Variants in LMF1 observed in about 807,000 individuals in gnomAD.
LMF1 encodes lipase maturation factor 1.
Under a neutral mutation model 60.6 loss-of-function variants are expected in LMF1, and 68 were observed. The ratio of observed to expected loss-of-function variants is 1.12; its 90% CI spans 0.92 to 1.37. The LOEUF is 1.37. LMF1 is among the 40% of genes most tolerant of loss of function. LMF1 has a pLI of 0.00. For missense variants in LMF1, 948 were observed against 767.2 expected, an observed-to-expected ratio of 1.24 and a Z score of -2.78; for synonymous variants, 418 against 324.7, an observed-to-expected ratio of 1.29 and a Z score of -3.09.
chr16:922,510 C>T (rs574082857), intron 3 of LMF1, among the ~76,000 whole-genome samples: 10 of 152,336 alleles, frequency 6.6e-5, no homozygotes, highest in South Asian at 2.1e-4. Context: ...CTAACATGGA[C>T]GTGAAGAAAG....
chr16:874,102 G>A lies in LMF1; in HGVS notation c.898-2761C>T, dbSNP rs544787167. 6.6e-5 allele frequency among the ~76,000 whole-genome samples: 10 copies of A among 152,330 alleles called. No individual in the cohort carries two copies. Among genetic ancestry groups the A allele is most frequent in the Admixed American group, 1.3e-4 (2 of 15,304 alleles). The stretch of plus-strand genomic sequence containing the variant: ...GGTATGGGAAGTTCTGGAACCAGGC[G>A]GAGGCGGCGGTTGCATCACGCTGTG... On this transcript the variant is annotated intron_variant, in intron 6 of 10. Coordinates refer to ENST00000262301, the MANE Select transcript of LMF1 (RefSeq NM_022773.4). The surrounding 1 kb of genome is among the most constrained non-coding windows in gnomAD (Gnocchi z 4.1).
chr16:854,326 G>A lies in LMF1; in HGVS notation c.*206C>T, dbSNP rs964100435. 5 of 701,974 alleles carry A rather than the reference G, an allele frequency of 7.1e-6. No homozygotes were observed. The highest frequency in any genetic ancestry group is 5.2e-5 in the African/African-American group (3 of 57,156). The allele number at this position is 701,974 out of a possible 1,614,324, so 43.5% of individuals were successfully genotyped here. A position where few individuals can be genotyped will look rare whatever the true frequency, so the allele number is the denominator to read the frequency against. ...GCCTGGGACAAGGGTTGGCCTGGAT[G>A]TGGGGCCCCAGGTGGGCAGGGCCTG... On this transcript the variant is annotated 3_prime_UTR_variant, in exon 11 of 11. Transcript: ENST00000262301.
chr16:951,783 G>A (rs2072476806), intron 2 of LMF1, among the ~76,000 whole-genome samples: 1 of 152,204 alleles, frequency 6.6e-6, no homozygotes, highest in African/African-American at 2.4e-5. Flanking sequence ...GCAGAGCGAC[G>A]TCCTCACCAA....
chr16:918,861 C>T (rs1202140350), intron 3 of LMF1, among the ~76,000 whole-genome samples: 5 of 148,548 alleles, frequency 3.4e-5, no homozygotes, highest in Admixed American at 2.7e-4. Context: ...CCGACTCTCA[C>T]GTGGGGCCAG....
intron 2 of LMF1, among the ~76,000 whole-genome samples, chr16:938,600 C>T (rs1193160706): frequency 6.6e-6 from 1 of 152,202 alleles, no homozygotes; most frequent in African/African-American, 2.4e-5. Context: ...ACATCTGTCG[C>T]CTGTTGCCTC....
rs538528682 is a variant in LMF1, at chr16:856,734, G to A, written c.1530-2028C>T. 2.1e-4 allele frequency among the ~76,000 whole-genome samples: 32 copies of A among 152,378 alleles called. No individual in the cohort carries two copies. The Middle Eastern group carries it at 0.01, about 49-fold the overall frequency. ...GGGCCCCAGGCCCCAGCGGCCTGAA[G>A]GGTTGCATTTCATTCCTGCAGACAA... is the stretch of plus-strand genomic sequence containing the variant. On this transcript the variant is annotated intron_variant, in intron 10 of 10. Transcript: ENST00000262301.
intron 1 of LMF1, among the ~76,000 whole-genome samples, chr16:978,252 C>CACACACCATACGCACTATAT (rs2073232183): frequency 6.7e-6 from 1 of 149,820 alleles, no homozygotes; most frequent in Admixed American, 6.7e-5. Flanking sequence ...ACGCACTATA[C>CACACACCATACGCACTATAT]ACGCACCATA....
chr16:937,037 G>A (rs1039158685), intron 2 of LMF1, among the ~76,000 whole-genome samples: 3 of 152,196 alleles, frequency 2.0e-5, no homozygotes, highest in African/African-American at 7.2e-5. Flanking sequence ...GTGACTCAGG[G>A]CCACCAAAAT....
chr16:896,924 A>AT (rs919999165), intron 4 of LMF1, among the ~76,000 whole-genome samples: 26 of 151,164 alleles, frequency 1.7e-4, no homozygotes, highest in African/African-American at 3.7e-4. Flanking sequence ...TTTTCCACGG[A>AT]TTTTTTTTTC....
intron 3 of LMF1, among the ~76,000 whole-genome samples, chr16:917,742 G>C (rs990235221): frequency 1.3e-5 from 2 of 152,196 alleles, no homozygotes; most frequent in African/African-American, 4.8e-5. Context: ...GGTGTCCCAG[G>C]GGACAGGAGT....
Position 978,353 on chromosome 16 carries a change from C to CCACACA in LMF1, c.-135+2786_-135+2791dup, listed in dbSNP as rs71142796. 2.8e-4 allele frequency among the ~76,000 whole-genome samples: 43 copies of CCACACA among 151,348 alleles called. No homozygotes were observed. In the South Asian group the frequency reaches 5.9e-3, roughly 21 times the overall value. The stretch of plus-strand genomic sequence containing the variant: ...ACATTACATACCATACAAACACACA[C>CCACACA]CACACACACACATGAACACACGCGC... On this transcript the variant is annotated intron_variant, in intron 1 of 6. Transcript: ENST00000570014.
chr16:940,085 G>A (rs917597693), intron 2 of LMF1, among the ~76,000 whole-genome samples: 30 of 152,220 alleles, frequency 2.0e-4, no homozygotes, highest in Middle Eastern at 3.4e-3. Context: ...CGAGTGATAC[G>A]TCCACAAGCC....
chr16:980,190 G>A lies in LMF1; in HGVS notation c.-135+955C>T, dbSNP rs527599333. The A allele has an allele frequency of 8.2e-5, 16 of 195,204 alleles. No individual in the cohort carries two copies. In the East Asian group the frequency reaches 1.3e-3, roughly 16 times the overall value. The allele number at this position is 195,204 out of a possible 1,614,324, so 12.1% of individuals were successfully genotyped here. ...ACGGCCCTTGCTCTTCAGCCTGGAG[G>A]CCAATGCTTCCTCCAAAGGCCCTGG... On this transcript the variant is annotated intron_variant, in intron 1 of 6. Coordinates refer to the LMF1 transcript ENST00000570014.
chr16:981,331 AGAGAGAGAGAGAGAGAGTGT>A (rs1180407522), upstream of LMF1: 366 of 331,692 alleles, frequency 1.1e-3, 1 homozygote, highest in African/African-American at 7.3e-3. Flanking sequence ...AGAGAGAGAG[AGAGAGAGAGAGAGAGAGTGT>A]GTGTGTGTGT....
chr16:862,473 G>A (rs752666585), intron 10 of LMF1, among the ~76,000 whole-genome samples: 1 of 152,056 alleles, frequency 6.6e-6, no homozygotes, highest in African/African-American at 2.4e-5. Flanking sequence ...AAAAAATTTT[G>A]TGTCTATATC....
At chr16:926,063 T>A (rs1183912223) in intron 3 of LMF1, among the ~76,000 whole-genome samples, 1 of 152,050 alleles carries the variant, frequency 6.6e-6, no homozygotes, top group African/African-American at 2.4e-5. Context: ...CACGTTTGCA[T>A]ATAATCTGCA....
At chr16:958,956 G>C (rs912980356) in intron 1 of LMF1, among the ~76,000 whole-genome samples, 2 of 152,130 alleles carry the variant, frequency 1.3e-5, no homozygotes, top group African/African-American at 4.8e-5. Flanking sequence ...AGAAGGTTCG[G>C]GACAGCAGGA....
At chr16:968,046 C>T (rs1011638378) in intron 1 of LMF1, among the ~76,000 whole-genome samples, 1 of 152,224 alleles carries the variant, frequency 6.6e-6, no homozygotes, top group African/African-American at 2.4e-5. Context: ...GCAGGGCATG[C>T]CCGACACCCC....
intron 2 of LMF1, among the ~76,000 whole-genome samples, chr16:940,940 G>A (rs1192522886): frequency 1.3e-5 from 2 of 152,104 alleles, no homozygotes; most frequent in Non-Finnish European, 2.9e-5. Context: ...ATTTCTTCCT[G>A]GAGTTCTGCA....
Sources: gnomAD v4.1 joint callset for allele counts (sites outside exome capture counted in the v4.1 genomes callset) on GRCh38, gnomAD v4.1.1 for gene constraint, Gnocchi (gnomAD v3.1) non-coding constraint, MANE v1.5 for transcripts, NCBI Gene and HGNC (gene_info 2026-07-23, HGNC 2026-07-21) for gene names.